SLCO6A1: variants seen among roughly 807,000 people sequenced by gnomAD.
SLCO6A1 encodes the protein cancer/testis antigen 48.
Under a neutral mutation model 72.7 loss-of-function variants are expected in SLCO6A1, and 65 were observed. The ratio of observed to expected loss-of-function variants is 0.89; its 90% CI spans 0.73 to 1.10. The LOEUF is 1.10. Among genes scored for constraint, SLCO6A1 ranks in the 50% least tolerant of loss-of-function variants. SLCO6A1 has a pLI of 0.00. For synonymous variants in SLCO6A1, 314 were observed against 298.2 expected, an observed-to-expected ratio of 1.05 and a Z score of -0.55; for missense variants, 874 against 872.6, an observed-to-expected ratio of 1.00 and a Z score of -0.02.
chr5:102,438,196 A>G (rs914135441), intron 7 of SLCO6A1, among the ~76,000 whole-genome samples: 9 of 152,136 alleles, frequency 5.9e-5, no homozygotes, highest in African/African-American at 2.2e-4. Context: ...ACTGAAATGC[A>G]TTAAATAGAT....
intron 6 of SLCO6A1, among the ~76,000 whole-genome samples, chr5:102,447,772 T>C (rs956333434): frequency 6.6e-6 from 1 of 152,182 alleles, no homozygotes; most frequent in Admixed American, 6.5e-5. Context: ...CTTTTCTTCT[T>C]TATTTGTCTA....
intron 6 of SLCO6A1, among the ~76,000 whole-genome samples, chr5:102,449,769 C>G (rs930693329): frequency 6.6e-5 from 10 of 152,314 alleles, no homozygotes; most frequent in African/African-American, 2.4e-4. Context: ...TGCTCTTTCT[C>G]CCTGTCTTTC....
At chr5:102,405,689 A>C (rs1747631614) in intron 9 of SLCO6A1, among the ~76,000 whole-genome samples, 1 of 152,100 alleles carries the variant, frequency 6.6e-6, no homozygotes, top group South Asian at 2.1e-4. Context: ...TAAGTTCTTC[A>C]AGCTTAAGGT....
intron 4 of SLCO6A1, among the ~76,000 whole-genome samples, chr5:102,467,602 A>G (rs548298940): frequency 3.0e-4 from 45 of 152,194 alleles, no homozygotes; most frequent in African/African-American, 1.0e-3. Flanking sequence ...ATTGAAGGTG[A>G]GATTTGTGTA....
At chr5:102,389,440 A>ACCCCACCCCCCCCCC (rs1405717636) in intron 11 of SLCO6A1, among the ~76,000 whole-genome samples, 2 of 52,850 alleles carry the variant, frequency 3.8e-5, no homozygotes, top group Non-Finnish European at 7.7e-5. Context: ...ACAGTCACAC[A>ACCCCACCCCCCCCCC]CCCCGCCCCC....
chr5:102,373,131 T>C (rs1750714337), intron 13 of SLCO6A1, among the ~76,000 whole-genome samples: 1 of 151,914 alleles, frequency 6.6e-6, no homozygotes, highest in Non-Finnish European at 1.5e-5. Flanking sequence ...ATCAAAGTAT[T>C]ATCTTTCATT....
intron 6 of SLCO6A1, among the ~76,000 whole-genome samples, chr5:102,451,161 A>C (rs1750396100): frequency 1.3e-5 from 2 of 152,206 alleles, no homozygotes; most frequent in Admixed American, 1.3e-4. Context: ...GGAGGCCTGC[A>C]ATAGTCCTTA....
At chr5:102,391,615 T>C (rs1387670330) in intron 10 of SLCO6A1, among the ~76,000 whole-genome samples, 1 of 152,152 alleles carries the variant, frequency 6.6e-6, no homozygotes, top group Non-Finnish European at 1.5e-5. Flanking sequence ...GAGTCCTCTC[T>C]ACAGGATTCC....
In SLCO6A1 at chr5:102,371,853, TAAG is replaced by T. The variant is rs913162863; in HGVS notation, c.*283_*285del. ...TTAATATTTCTAGACAGCAGAATAT[TAAG>T]AAGAAATGTAAATAATCTAAAATTA... On this transcript the variant is annotated 3_prime_UTR_variant, in exon 14 of 14. Coordinates refer to ENST00000506729, the MANE Select transcript of SLCO6A1 (RefSeq NM_173488.5). 20 of 151,994 alleles carry T rather than the reference TAAG, an allele frequency of 1.3e-4. No homozygotes were observed. The highest frequency in any genetic ancestry group is 4.3e-4 in the African/African-American group (18 of 41,436). The allele number at this position is 151,994 out of a possible 1,614,324, so 9.4% of individuals were successfully genotyped here.
chr5:102,433,117 A>G (rs1034565085), intron 7 of SLCO6A1, among the ~76,000 whole-genome samples: 15 of 152,130 alleles, frequency 9.9e-5, no homozygotes, highest in Non-Finnish European at 1.9e-4. Flanking sequence ...TTTTATCTCT[A>G]TCAAGTCAGT....
intron 8 of SLCO6A1, 91 bp from the exon 9 acceptor site, chr5:102,413,234 G>A: frequency 8.0e-7 from 1 of 1,246,632 alleles, no homozygotes; most frequent in Non-Finnish European, 1.1e-6. Context: ...CATAAAATAT[G>A]CTTATTGAAA....
chr5:102,425,133 G>C (rs1011035329), intron 7 of SLCO6A1, among the ~76,000 whole-genome samples: 1 of 152,092 alleles, frequency 6.6e-6, no homozygotes, highest in Non-Finnish European at 1.5e-5. Context: ...AATAATAAGA[G>C]CTATTTATGA....
intron 10 of SLCO6A1, among the ~76,000 whole-genome samples, chr5:102,397,333 C>A (rs966742207): frequency 5.3e-5 from 8 of 152,208 alleles, no homozygotes; most frequent in African/African-American, 1.9e-4. Context: ...ATTGGCCAAG[C>A]TTTGAACCTA....
chr5:102,439,817 CTA>C (rs1414976229), intron 6 of SLCO6A1, among the ~76,000 whole-genome samples: 1 of 152,188 alleles, frequency 6.6e-6, no homozygotes, highest in Non-Finnish European at 1.5e-5. Context: ...ACTAAAATGA[CTA>C]TACCACCACA....
chr5:102,485,193 G>C (rs1752390649), intron 1 of SLCO6A1, among the ~76,000 whole-genome samples: 1 of 151,300 alleles, frequency 6.6e-6, no homozygotes, highest in African/African-American at 2.4e-5. Flanking sequence ...GGAGGTTGTG[G>C]TGAGCTGAGA....
At chr5:102,421,881 G>A (rs1748627854) in intron 7 of SLCO6A1, among the ~76,000 whole-genome samples, 1 of 152,188 alleles carries the variant, frequency 6.6e-6, no homozygotes, top group East Asian at 1.9e-4. Context: ...GCTCCGGCTG[G>A]CATTTGGCAG....
intron 1 of SLCO6A1, among the ~76,000 whole-genome samples, chr5:102,490,561 G>A (rs146702061): frequency 2.6e-5 from 4 of 152,246 alleles, no homozygotes; most frequent in African/African-American, 4.8e-5. Flanking sequence ...GAATGAAACC[G>A]CGGACCCTCA....
rs1408152512 is a variant in SLCO6A1, at chr5:102,427,873, T to A, written c.1277-7852A>T. ...ATATATATATATATATATTTTTTTT[T>A]TTTTTTTTTTTTTTGAGACCGAGTC... On this transcript the variant is annotated intron_variant, in intron 7 of 13. Transcript: ENST00000506729. 5.1e-3 allele frequency among the ~76,000 whole-genome samples: 651 copies of A among 127,074 alleles called. 6 individuals carry two copies. Among genetic ancestry groups the A allele is most frequent in the African/African-American group, 8.6e-3 (266 of 30,834 alleles). 83.4% of individuals were successfully genotyped at this position (127,074 alleles called of 152,430 possible). A position where few individuals can be genotyped will look rare whatever the true frequency, so the allele number is the denominator to read the frequency against.
chr5:102,384,757 G>A (rs1185831008), intron 12 of SLCO6A1, among the ~76,000 whole-genome samples: 1 of 152,006 alleles, frequency 6.6e-6, no homozygotes, highest in Non-Finnish European at 1.5e-5. Context: ...TAGTAATAGA[G>A]TATTCCAAAT....
Sources: gnomAD v4.1 joint callset for allele counts (sites outside exome capture counted in the v4.1 genomes callset) on GRCh38, gnomAD v4.1.1 for gene constraint, MANE v1.5 for transcripts, NCBI Gene and HGNC (gene_info 2026-07-23, HGNC 2026-07-21) for gene names.